Variants in SLC4A11 observed in about 807,000 individuals in gnomAD.
SLC4A11 encodes the protein bicarbonate transporter related protein 1.
A neutral mutation model predicts 95.0 loss-of-function variants in SLC4A11; 74 were observed. The observed-to-expected ratio is 0.78, with a 90% confidence interval of 0.65 to 0.95. The LOEUF (loss-of-function observed/expected upper bound fraction) is 0.95. Among genes scored for constraint, SLC4A11 ranks in the 40% least tolerant of loss-of-function variants. The probability of loss-of-function intolerance (pLI) is 0.00; values close to 1 mark genes in which losing one functional copy is unlikely to be tolerated. For missense variants in SLC4A11, 1,081 were observed against 1,192.4 expected, an observed-to-expected ratio of 0.91 and a Z score of 1.38; for synonymous variants, 548 against 519.0, an observed-to-expected ratio of 1.06 and a Z score of -0.76.
At chr20:3,237,444 C>G in intron 2 of SLC4A11, 100 bp downstream of exon 2, 1 of 1,265,060 alleles carries the variant, frequency 7.9e-7, no homozygotes, top group Non-Finnish European at 1.2e-6. Flanking sequence ...CCCAGATAGG[C>G]GAGCAAAGCC....
intron 7 of SLC4A11, among the ~76,000 whole-genome samples, chr20:3,232,224 G>A (rs1039247359): frequency 1.3e-5 from 2 of 152,182 alleles, no homozygotes; most frequent in African/African-American, 4.8e-5. Flanking sequence ...TTTCAGAGAG[G>A]GTCCAAGCCC....
rs781224266 is a variant in SLC4A11, at chr20:3,228,304, A to C, written c.2513T>G (p.Met838Arg). Residue 838 changes from methionine to arginine, a missense_variant, in exon 19 of 20, where the codon ATG becomes AGG. Met to Arg is a moderately conservative substitution (Grantham distance 91). This residue lies in a region of SLC4A11 where 767 missense variants were observed against 858.0 expected (regional missense o/e 0.89). Transcript: ENST00000642402. ...CATGATGAGGGGAAAGATCATCTTC[A>C]TGTAGGGCAGGGAGCTCATGCCGAA... Reference protein sequence around the residue: ...CAFGMSSLPYMKMIFPLIMIA... With the variant: ...CAFGMSSLPYRKMIFPLIMIA... 2 of 1,612,984 alleles carry C rather than the reference A, an allele frequency of 1.2e-6. No individual in the cohort carries two copies. The highest frequency in any genetic ancestry group is 1.1e-5 in the South Asian group (1 of 91,066).
rs755648363 is a variant in SLC4A11 at position 3,234,654 on chromosome 20, C to CCT, written c.242-39_242-38dup. On this transcript the variant is annotated intron_variant, in intron 3 of 19. Coordinates refer to ENST00000642402, the MANE Select transcript of SLC4A11 (RefSeq NM_001174089.2). This position sits in a 1 kb window ranked among gnomAD's most constrained non-coding sequence, Gnocchi z 5.8. Reference sequence around the variant, plus strand: ...AAGCGGGGAGGGCTCAGGGTGCCACCCTCTCCTCAGGTCTTTCTTAGTAAG... The same window carrying CCT: ...AAGCGGGGAGGGCTCAGGGTGCCACCCTCTCTCCTCAGGTCTTTCTTAGTAAG... The CCT allele has an allele frequency of 1.9e-6, 3 of 1,613,858 alleles. No homozygotes were observed. The highest frequency in any genetic ancestry group is 2.5e-6 in the Non-Finnish European group (3 of 1,180,016).
Position 3,228,542 on chromosome 20 carries a change from G to A in SLC4A11, c.2358C>T (p.Val786=). ...CCTTGAGCAGCAGGGCCACGCGCTG[G>A]ACGAGCTGGTTGCCATCGAGGGAGG... ...ALTSLDGNQL[V]QRVALLLKEQ... Residue 786 remains valine (V), a synonymous_variant, in exon 18 of 20, where the codon GTC becomes GTT. Transcript: ENST00000642402. The A allele has an allele frequency of 6.2e-7, 1 of 1,613,180 alleles. No homozygotes were observed. The highest frequency in any genetic ancestry group is 8.5e-7 in the Non-Finnish European group (1 of 1,179,948).
chr20:3,229,060 G>GGGGCCCCCCCC, intron 16 of SLC4A11, 35 bp downstream of exon 16: 2 of 1,542,082 alleles, frequency 1.3e-6, no homozygotes, highest in Non-Finnish European at 1.7e-6. Flanking sequence ...AGAGGCCCGG[G>GGGGCCCCCCCC]CCCCGCCCAC....
In SLC4A11 at chr20:3,229,660, G is replaced by A; in HGVS notation, c.1606C>T (p.Leu536Phe). 6.2e-7 allele frequency: 1 copy of A among 1,613,864 alleles called. No homozygotes were observed. The highest frequency in any genetic ancestry group is 1.7e-5 in the Admixed American group (1 of 60,024). The part of the protein sequence containing the change: ...ASLNASLHTA[L>F]NASFLASPTE... The stretch of plus-strand genomic sequence containing the variant: ...GGGCTGGCGAGGAAGCTGGCGTTGA[G>A]GGCAGTGTGGAGGCTGGCGTTGAGG... The change falls in exon 14 of 20, where the codon CTC becomes TTC. Residue 536 changes from leucine to phenylalanine, a missense_variant. Leu to Phe is a conservative substitution (Grantham distance 22, BLOSUM62 0). This residue lies in a region of SLC4A11 where 767 missense variants were observed against 858.0 expected (regional missense o/e 0.89). Transcript: ENST00000642402.
At position 3,229,747 on chromosome 20, in the gene SLC4A11, A is replaced by G. The variant is rs771517793; in HGVS notation, c.1519T>C (p.Leu507=). The change falls in exon 14 of 20, where the codon TTG becomes CTG. Residue 507 remains leucine, a synonymous_variant. Coordinates refer to ENST00000642402, the MANE Select transcript of SLC4A11 (RefSeq NM_001174089.2). The part of the protein sequence containing the change: ...IFWKYYYGHY[L]DDYHTKRTSS... Reference sequence around the variant, plus strand: ...GTCCTTTTTGTGTGATAGTCGTCCAAGTAATGCCCATAGTAGTACTTCCAG... The same window carrying G: ...GTCCTTTTTGTGTGATAGTCGTCCAGGTAATGCCCATAGTAGTACTTCCAG... 3.1e-6 allele frequency: 5 copies of G among 1,613,978 alleles called. No homozygotes were observed. Among genetic ancestry groups the G allele is most frequent in the Non-Finnish European group, 4.2e-6 (5 of 1,179,992 alleles).
Position 3,234,695 on chromosome 20 carries a change from C to T in SLC4A11, c.241+47G>A. On this transcript the variant is annotated intron_variant, in intron 3 of 19. Transcript: ENST00000642402. This position sits in a 1 kb window ranked among gnomAD's most constrained non-coding sequence, Gnocchi z 5.8. Reference sequence around the variant, plus strand: ...TCTTAGTAAGGCGAGTCACACCTGCCCAGTCCCGTGCCTTCCCCCAGTCTG... The same window carrying T: ...TCTTAGTAAGGCGAGTCACACCTGCTCAGTCCCGTGCCTTCCCCCAGTCTG... The T allele has an allele frequency of 1.2e-6, 2 of 1,613,864 alleles. No individual in the cohort carries two copies. The highest frequency in any genetic ancestry group is 8.5e-7 in the Non-Finnish European group (1 of 1,179,994).
intron 11 of SLC4A11, 40 bp downstream of exon 11, chr20:3,230,692 G>A (rs1335567650): frequency 1.9e-6 from 3 of 1,612,826 alleles, no homozygotes; most frequent in African/African-American, 1.3e-5. Context: ...CAGGAACCAG[G>A]GGTCTCAGGC....
At chr20:3,229,315 C>G in intron 15 of SLC4A11, 31 bp downstream of exon 15, 1 of 1,613,046 alleles carries the variant, frequency 6.2e-7, no homozygotes, top group Non-Finnish European at 8.5e-7. Context: ...GGGAGCTACC[C>G]CACGTCACCC....
rs538658493 is a variant in SLC4A11, at chr20:3,229,563, G to A, written c.1703C>T (p.Thr568Met). ...AVLSLLIMLG[T>M]LWLGYTLYQF... ...GTAGAGGGTGTAGCCCAGCCAGAGC[G>A]TGCCCAGCATGATGAGGAGGCTGAG... Residue 568 changes from threonine to methionine, a missense_variant, in exon 14 of 20, where the codon ACG (threonine) becomes ATG (methionine). Thr to Met is a moderately conservative substitution (Grantham distance 81). Transcript: ENST00000642402. 12 of 1,612,880 alleles carry A rather than the reference G, an allele frequency of 7.4e-6. No homozygotes were observed. The highest frequency in any genetic ancestry group is 5.0e-5 in the Admixed American group (3 of 60,004).
intron 13 of SLC4A11, 38 bp from the exon 14 acceptor site, chr20:3,229,814 C>T (rs752857161): frequency 1.1e-5 from 17 of 1,613,216 alleles, no homozygotes; most frequent in East Asian, 2.2e-5. Context: ...CCCTCTCCAG[C>T]GTGTGGCAGG....
At chr20:3,238,720 C>G in intron 1 of SLC4A11, 1 of 1,039,686 alleles carries the variant, frequency 9.6e-7, no homozygotes, top group Non-Finnish European at 1.2e-6. Flanking sequence ...TAAAATGAGA[C>G]CTTCCGAGGC....
intron 2 of SLC4A11, among the ~76,000 whole-genome samples, chr20:3,235,647 C>G (rs1166816456): frequency 6.6e-6 from 1 of 152,090 alleles, no homozygotes; most frequent in Non-Finnish European, 1.5e-5. Flanking sequence ...GCCTGCTCCC[C>G]TTGGTCCTCA....
chr20:3,235,623 C>T (rs1333078341), intron 2 of SLC4A11, among the ~76,000 whole-genome samples: 3 of 152,050 alleles, frequency 2.0e-5, no homozygotes, highest in African/African-American at 7.2e-5. Context: ...GGATGTGGGA[C>T]CCCAGAGGTG....
chr20:3,230,371 C>CA, intron 12 of SLC4A11, 111 bp from the exon 13 acceptor site: 1 of 1,575,508 alleles, frequency 6.3e-7, no homozygotes, highest in Non-Finnish European at 8.7e-7. Flanking sequence ...GGAAGAAGGC[C>CA]AGGGCCCCAG....
In SLC4A11 at chr20:3,230,654, G is replaced by GCAGGGGGC. The variant is rs1419853345; in HGVS notation, c.1283-15_1283-8dup. On this transcript the variant is annotated splice_polypyrimidine_tract_variant and splice_region_variant and intron_variant, in intron 11 of 19. Coordinates refer to ENST00000642402, the MANE Select transcript of SLC4A11 (RefSeq NM_001174089.2). The stretch of plus-strand genomic sequence containing the variant: ...TCACAGATGACACGAATCACTGCAG[G>GCAGGGGGC]CAGGGGGCAGGGCGGGTCAGGGCCC... 1 of 1,613,088 alleles carries GCAGGGGGC rather than the reference G, an allele frequency of 6.2e-7. No homozygotes were observed. The highest frequency in any genetic ancestry group is 2.2e-5 in the East Asian group (1 of 44,868).
In SLC4A11 at chr20:3,231,311, G is replaced by GC; in HGVS notation, c.948+18dup. The GC allele has an allele frequency of 6.2e-7, 1 of 1,613,578 alleles. No homozygotes were observed. Among genetic ancestry groups the GC allele is most frequent in the Non-Finnish European group, 8.5e-7 (1 of 1,179,990 alleles). ...GCCCCCGCCGACCCTGCCGGCCCCCGCCGGCCTCTACCCTGTACCTCTGGG... is the reference window on the plus strand; with the variant it reads ...GCCCCCGCCGACCCTGCCGGCCCCCGCCCGGCCTCTACCCTGTACCTCTGGG... On this transcript the variant is annotated intron_variant, in intron 8 of 19. Coordinates refer to ENST00000642402, the MANE Select transcript of SLC4A11 (RefSeq NM_001174089.2). The surrounding 1 kb of genome is among the most constrained non-coding windows in gnomAD (Gnocchi z 5.2).
At chr20:3,229,060 G>GGGGCCCCCCCCCCCC in intron 16 of SLC4A11, 35 bp downstream of exon 16, 2 of 1,541,954 alleles carry the variant, frequency 1.3e-6, no homozygotes, top group Non-Finnish European at 1.7e-6. Flanking sequence ...AGAGGCCCGG[G>GGGGCCCCCCCCCCCC]CCCCGCCCAC....
Sources: gnomAD v4.1 joint callset for allele counts (sites outside exome capture counted in the v4.1 genomes callset) on GRCh38, gnomAD v4.1.1 for gene constraint, gnomAD v4.1.1 regional missense constraint, Gnocchi (gnomAD v3.1) non-coding constraint, MANE v1.5 for transcripts, NCBI Gene and HGNC (gene_info 2026-07-23, HGNC 2026-07-21) for gene names.